Variants in NKIRAS2 observed in about 807,000 individuals in gnomAD.
NKIRAS2 encodes NFKB inhibitor interacting Ras like 2, also known as NF-kappa-B inhibitor-interacting Ras-like protein 2.
NKIRAS2 carries 15 observed loss-of-function variants against 20.7 expected under a neutral mutation model. The ratio of observed to expected loss-of-function variants is 0.73; its 90% CI spans 0.49 to 1.12. The LOEUF is 1.12. Among genes scored for constraint, NKIRAS2 ranks in the 50% most tolerant of loss-of-function variants. The probability of loss-of-function intolerance (pLI) is 0.00; values close to 1 mark genes in which losing one functional copy is unlikely to be tolerated. For synonymous variants in NKIRAS2, 116 were observed against 101.4 expected (o/e 1.14, Z -0.87); for missense variants, 196 against 249.6 (o/e 0.79, Z 1.45).
In NKIRAS2 at chr17:42,021,611, C is replaced by T. The variant is rs2052451655; in HGVS notation, c.34C>T (p.Gln12Ter). 6.2e-7 allele frequency: 1 copy of T among 1,613,990 alleles called. No homozygotes were observed. Among genetic ancestry groups the T allele is most frequent in the African/African-American group, 1.3e-5 (1 of 74,902 alleles). Residue 12 changes from glutamine to a stop codon, truncating the protein, a stop_gained, in exon 2 of 4, where the codon CAG (glutamine) becomes TAG (stop). Transcript: ENST00000393885. LOFTEE classifies it high-confidence loss of function. ...GKSCKVVVCG[Q>*]ASVGKTSILE... ...GAGCTGCAAGGTGGTCGTGTGTGGC[C>T]AGGCGTCTGTGGGCAAAACTTCAAT... is the stretch of plus-strand genomic sequence containing the variant.
At position 42,024,115 on chromosome 17, in the gene NKIRAS2, C is replaced by T. The variant is rs1349585079; in HGVS notation, c.*222C>T. On this transcript the variant is annotated 3_prime_UTR_variant, in exon 4 of 4. Transcript: ENST00000393885. Reference sequence around the variant, plus strand: ...AGCCCTCCCAGCCTACTCCCCATCCCAGCTTTTAGAGGATCTGCTCCACTG... The same window carrying T: ...AGCCCTCCCAGCCTACTCCCCATCCTAGCTTTTAGAGGATCTGCTCCACTG... The T allele has an allele frequency of 2.6e-5, 16 of 618,468 alleles. No homozygotes were observed. Among genetic ancestry groups the T allele is most frequent in the African/African-American group, 3.7e-5 (2 of 53,866 alleles). 38.3% of individuals were successfully genotyped at this position (618,468 alleles called of 1,614,324 possible).
chr17:42,023,071 C>T (rs1555653426), intron 3 of NKIRAS2: 1 of 356,700 alleles, frequency 2.8e-6, no homozygotes. Flanking sequence ...GGCATGATCA[C>T]AGCTCACTGC....
In NKIRAS2 at chr17:42,024,259, C is replaced by G. The variant is rs537403574; in HGVS notation, c.*366C>G. On this transcript the variant is annotated 3_prime_UTR_variant, in exon 4 of 4. Coordinates refer to ENST00000393885, the MANE Select transcript of NKIRAS2 (RefSeq NM_017595.6). The stretch of plus-strand genomic sequence containing the variant: ...TCCTATTATAGGTAGGGGCCCCACC[C>G]TCTGGGCTTCCCATCAGCGACACAC... The G allele has an allele frequency of 3.5e-6, 1 of 288,988 alleles. No homozygotes were observed. Among genetic ancestry groups the G allele is most frequent in the Non-Finnish European group, 6.7e-6 (1 of 149,002 alleles). 17.9% of individuals were successfully genotyped at this position (288,988 alleles called of 1,614,324 possible).
Position 42,021,648 on chromosome 17 carries a change from TTCTGTATGGG to T in NKIRAS2, c.72_81del (p.Leu25ThrfsTer3). 6.2e-7 allele frequency: 1 copy of T among 1,614,144 alleles called. No homozygotes were observed. Among genetic ancestry groups the T allele is most frequent in the Non-Finnish European group, 8.5e-7 (1 of 1,180,000 alleles). On this transcript the variant is annotated frameshift_variant, in exon 2 of 4. Coordinates refer to ENST00000393885, the MANE Select transcript of NKIRAS2 (RefSeq NM_017595.6). LOFTEE classifies it high-confidence loss of function. ...GGCAAAACTTCAATCCTGGAGCAGC[TTCTGTATGGG>T]AACCATGTAGTGGGTGAGTGTTGTT...
In NKIRAS2 at chr17:42,021,433, TCA is replaced by T. The variant is rs1374052673; in HGVS notation, c.-14-130_-14-129del. The T allele has an allele frequency of 1.9e-5, 13 of 697,126 alleles. No individual in the cohort carries two copies. In the African/African-American group the frequency reaches 2.1e-4, roughly 11 times the overall value. The allele number at this position is 697,126 out of a possible 1,614,324, so 43.2% of individuals were successfully genotyped here. On this transcript the variant is annotated intron_variant, in intron 1 of 3. Transcript: ENST00000393885. ...GAACTATACATTCAGTTTAGAACTC[TCA>T]GTTATGGACGTTCTGCCTTCTGTTT...
chr17:42,024,081 C>T lies in NKIRAS2; in HGVS notation c.*188C>T, dbSNP rs1232516267. The T allele has an allele frequency of 1.2e-6, 1 of 849,184 alleles. No individual in the cohort carries two copies. The highest frequency in any genetic ancestry group is 2.8e-5 in the East Asian group (1 of 35,898). 52.6% of individuals were successfully genotyped at this position (849,184 alleles called of 1,614,324 possible). A position where few individuals can be genotyped will look rare whatever the true frequency, so the allele number is the denominator to read the frequency against. ...AGTGCAAATACTCTTGGTTGACATC[C>T]CCTTCCTCAGCCCTCCCAGCCTACT... is the stretch of plus-strand genomic sequence containing the variant. On this transcript the variant is annotated 3_prime_UTR_variant, in exon 4 of 4. Transcript: ENST00000393885.
Position 42,024,265 on chromosome 17 carries a change from G to A in NKIRAS2, c.*372G>A. 3.5e-6 allele frequency: 1 copy of A among 283,160 alleles called. No individual in the cohort carries two copies. 17.5% of individuals were successfully genotyped at this position (283,160 alleles called of 1,614,324 possible). On this transcript the variant is annotated 3_prime_UTR_variant, in exon 4 of 4. Transcript: ENST00000393885. ...TATAGGTAGGGGCCCCACCCTCTGGGCTTCCCATCAGCGACACACACACAC... is the reference window on the plus strand; with the variant it reads ...TATAGGTAGGGGCCCCACCCTCTGGACTTCCCATCAGCGACACACACACAC...
upstream of NKIRAS2, among the ~76,000 whole-genome samples, chr17:42,017,924 C>T (rs1439755812): frequency 1.3e-5 from 2 of 152,140 alleles, no homozygotes; most frequent in Admixed American, 1.3e-4. Context: ...TTTCATCGTT[C>T]TCTGGAAGCC....
intron 1 of NKIRAS2, chr17:42,020,706 T>C (rs558449952): frequency 1.3e-5 from 2 of 152,310 alleles, no homozygotes; most frequent in East Asian, 3.9e-4. Context: ...TAGAGGGAAT[T>C]GATTGTTGTC....
chr17:42,018,565 G>C (rs184918510), upstream of NKIRAS2: 1 of 152,164 alleles, frequency 6.6e-6, no homozygotes, highest in African/African-American at 2.4e-5. Flanking sequence ...TGGAAAGGAG[G>C]GGTCATTCGT....
intron 3 of NKIRAS2, among the ~76,000 whole-genome samples, chr17:42,023,342 G>C (rs940474498): frequency 1.3e-5 from 2 of 152,220 alleles, no homozygotes; most frequent in Admixed American, 6.5e-5. Context: ...TAAGCTGCAG[G>C]GTTCTGGGAG....
Position 42,025,222 on chromosome 17 carries a change from A to C in NKIRAS2, c.*1329A>C, listed in dbSNP as rs1296527608. On this transcript the variant is annotated 3_prime_UTR_variant, in exon 4 of 4. Coordinates refer to ENST00000393885, the MANE Select transcript of NKIRAS2 (RefSeq NM_017595.6). ...AGCTCAGAGCTGGACTTCTATTTAT[A>C]AGTTACCTGTATTTATATTTATATG... 6.6e-6 allele frequency: 1 copy of C among 152,452 alleles called. No individual in the cohort carries two copies. The highest frequency in any genetic ancestry group is 1.5e-5 in the Non-Finnish European group (1 of 68,002). The allele number at this position is 152,452 out of a possible 1,614,324, so 9.4% of individuals were successfully genotyped here.
At chr17:42,022,338 C>G in intron 2 of NKIRAS2, 61 bp from the exon 3 acceptor site, 3 of 1,522,510 alleles carry the variant, frequency 2.0e-6, no homozygotes, top group Non-Finnish European at 1.8e-6. Flanking sequence ...TTAAGATGCT[C>G]TCATCACTCA....
In NKIRAS2 at chr17:42,020,105, C is replaced by G. The variant is rs1442396211; in HGVS notation, c.-114C>G. ...GGGGCGGGGCCTGGAGGAGCCTACACCGACTCTGGAGGAAGACTGGAGCCT... is the reference window on the plus strand; with the variant it reads ...GGGGCGGGGCCTGGAGGAGCCTACAGCGACTCTGGAGGAAGACTGGAGCCT... On this transcript the variant is annotated 5_prime_UTR_variant, in exon 1 of 4. Transcript: ENST00000393885. 11 of 152,396 alleles carry G rather than the reference C, an allele frequency of 7.2e-5. No individual in the cohort carries two copies. The highest frequency in any genetic ancestry group is 2.7e-4 in the African/African-American group (11 of 41,470). 9.4% of individuals were successfully genotyped at this position (152,396 alleles called of 1,614,324 possible).
Position 42,022,532 on chromosome 17 carries a change from C to A in NKIRAS2, c.228C>A (p.Phe76Leu). Reference protein sequence around the residue: ...RDGAELPRHCFSCTDGYVLVY... With the variant: ...RDGAELPRHCLSCTDGYVLVY... Reference sequence around the variant, plus strand: ...GGGCCGAACTGCCCCGACACTGCTTCTCTTGCACTGATGGCTACGTCCTGG... The same window carrying A: ...GGGCCGAACTGCCCCGACACTGCTTATCTTGCACTGATGGCTACGTCCTGG... The change falls in exon 3 of 4, where the codon TTC (phenylalanine) becomes TTA (leucine). Residue 76 changes from phenylalanine (F) to leucine (L), a missense_variant. Coordinates refer to ENST00000393885, the MANE Select transcript of NKIRAS2 (RefSeq NM_017595.6). The A allele has an allele frequency of 6.2e-7, 1 of 1,614,184 alleles. No individual in the cohort carries two copies. Among genetic ancestry groups the A allele is most frequent in the Non-Finnish European group, 8.5e-7 (1 of 1,180,032 alleles).
Position 42,023,809 on chromosome 17 carries a change from G to C in NKIRAS2, c.492G>C (p.Leu164Phe), listed in dbSNP as rs1555653610. 1 of 1,614,140 alleles carries C rather than the reference G, an allele frequency of 6.2e-7. No individual in the cohort carries two copies. The highest frequency in any genetic ancestry group is 8.5e-7 in the Non-Finnish European group (1 of 1,180,040). Residue 164 changes from leucine (L) to phenylalanine (F), a missense_variant, in exon 4 of 4, where the codon TTG becomes TTC. Physicochemically the swap from Leu to Phe is conservative, Grantham distance 22 (BLOSUM62 0). Transcript: ENST00000393885. Reference protein sequence around the residue: ...RRSLLEPFVYLASKMTQPQSK... With the variant: ...RRSLLEPFVYFASKMTQPQSK... ...CCCTCCTGGAGCCCTTTGTCTACTT[G>C]GCCAGCAAGATGACGCAACCCCAGA...
intron 3 of NKIRAS2, among the ~76,000 whole-genome samples, chr17:42,023,350 GA>G (rs1339768551): frequency 2.0e-5 from 3 of 152,212 alleles, no homozygotes; most frequent in Non-Finnish European, 4.4e-5. Flanking sequence ...AGGGTTCTGG[GA>G]GTGCTTCCTC....
Position 42,020,147 on chromosome 17 carries a change from C to G in NKIRAS2, c.-72C>G, listed in dbSNP as rs1350906080. The G allele has an allele frequency of 6.6e-6, 1 of 152,440 alleles. No individual in the cohort carries two copies. Among genetic ancestry groups the G allele is most frequent in the Non-Finnish European group, 1.5e-5 (1 of 68,206 alleles). The allele number at this position is 152,440 out of a possible 1,614,324, so 9.4% of individuals were successfully genotyped here. A position where few individuals can be genotyped will look rare whatever the true frequency, so the allele number is the denominator to read the frequency against. On this transcript the variant is annotated 5_prime_UTR_variant, in exon 1 of 4. Transcript: ENST00000393885. ...CTGGAGCCTTTGCGGCGGCGCTGCC[C>G]CTCCCCTGGTCCCCGCGAGCTCGGA...
At chr17:42,019,772 G>T (rs1269875371), upstream of NKIRAS2, among the ~76,000 whole-genome samples, 1 of 152,206 alleles carries the variant, frequency 6.6e-6, no homozygotes, top group East Asian at 1.9e-4. Context: ...CTTTCTCTCA[G>T]TATATGGCCC....
Sources: gnomAD v4.1 joint callset for allele counts (sites outside exome capture counted in the v4.1 genomes callset) on GRCh38, gnomAD v4.1.1 for gene constraint, MANE v1.5 for transcripts, NCBI Gene and HGNC (gene_info 2026-07-23, HGNC 2026-07-21) for gene names.